NRG1: variants seen among roughly 807,000 people sequenced by gnomAD.
NRG1 encodes the protein neuregulin 1.
A neutral mutation model predicts 63.8 loss-of-function variants in NRG1; 18 were observed. The observed-to-expected ratio is 0.28, with a 90% CI of 0.19 to 0.42. The LOEUF is 0.42. NRG1 is among the 10% of genes least tolerant of loss of function. NRG1 has a pLI of 1.00. For missense variants in NRG1, 762 were observed against 814.7 expected (o/e 0.94, Z 0.79); for synonymous variants, 302 against 301.3 (o/e 1.00, Z -0.02).
chr8:32,515,306 T>C (rs946148597), intron 1 of NRG1, among the ~76,000 whole-genome samples: 1 of 152,142 alleles, frequency 6.6e-6, no homozygotes, highest in African/African-American at 2.4e-5. Flanking sequence ...TTCTGACTGG[T>C]GTGAGGTGGT....
chr8:32,375,809 C>G (rs533924107), intron 1 of NRG1, among the ~76,000 whole-genome samples: 1 of 152,280 alleles, frequency 6.6e-6, no homozygotes, highest in East Asian at 1.9e-4. Flanking sequence ...GCTGGCTTTT[C>G]CTTTCATTGT....
intron 1 of NRG1, among the ~76,000 whole-genome samples, chr8:32,080,494 C>A (rs1394740890): frequency 1.3e-5 from 2 of 152,208 alleles, no homozygotes; most frequent in East Asian, 3.9e-4. Context: ...TTTATAGAAA[C>A]AGTGATAGGA....
intron 1 of NRG1, among the ~76,000 whole-genome samples, chr8:31,723,394 A>G (rs747141190): frequency 6.6e-6 from 1 of 152,166 alleles, no homozygotes; most frequent in Non-Finnish European, 1.5e-5. Context: ...ACTTTCAAAA[A>G]CAAGAAACAT....
chr8:32,474,607 C>T (rs1824264169), intron 1 of NRG1, among the ~76,000 whole-genome samples: 1 of 151,918 alleles, frequency 6.6e-6, no homozygotes, highest in South Asian at 2.1e-4. Flanking sequence ...ATTCTCCTGC[C>T]TCAGCCTCCC....
intron 5 of NRG1, among the ~76,000 whole-genome samples, chr8:32,659,502 T>C (rs2128871197): frequency 6.6e-6 from 1 of 152,348 alleles, no homozygotes; most frequent in Non-Finnish European, 1.5e-5. Flanking sequence ...GTTTTTTGAA[T>C]GTATGAGCAC....
At chr8:32,612,261 A>G (rs1458854683) in intron 3 of NRG1, among the ~76,000 whole-genome samples, 1 of 152,114 alleles carries the variant, frequency 6.6e-6, no homozygotes, top group African/African-American at 2.4e-5. Flanking sequence ...CTTTCAATTT[A>G]CTTTTAACAA....
chr8:32,245,285 C>T (rs530272218), intron 1 of NRG1, among the ~76,000 whole-genome samples: 22 of 152,220 alleles, frequency 1.4e-4, no homozygotes, highest in African/African-American at 5.1e-4. Context: ...TTTTCAGTGA[C>T]ATCAAGTTAG....
intron 1 of NRG1, among the ~76,000 whole-genome samples, chr8:32,243,309 A>G (rs941546668): frequency 1.3e-5 from 2 of 151,998 alleles, no homozygotes. Flanking sequence ...CTATAGTTCC[A>G]GCTATTTCTA....
At chr8:31,785,062 CTTTTCGTGGACT>C (rs2131631122) in intron 1 of NRG1, among the ~76,000 whole-genome samples, 1 of 152,188 alleles carries the variant, frequency 6.6e-6, no homozygotes, top group South Asian at 2.1e-4. Context: ...CACAAGAAGG[CTTTTCGTGGACT>C]TTTGGAGTCT....
chr8:32,076,010 C>A (rs917458973), intron 1 of NRG1, among the ~76,000 whole-genome samples: 10 of 152,110 alleles, frequency 6.6e-5, no homozygotes, highest in Admixed American at 6.6e-4. Flanking sequence ...TATTTTTGAT[C>A]TATGATTGGT....
intron 1 of NRG1, among the ~76,000 whole-genome samples, chr8:32,245,368 A>C (rs1444904358): frequency 6.6e-6 from 1 of 152,192 alleles, no homozygotes; most frequent in Non-Finnish European, 1.5e-5. Flanking sequence ...GGAAGGCTTC[A>C]CAGTTTGGTA....
chr8:32,444,414 A>ATAG (rs1198237456), intron 1 of NRG1, among the ~76,000 whole-genome samples: 2 of 152,216 alleles, frequency 1.3e-5, no homozygotes, highest in African/African-American at 4.8e-5. Context: ...TGCTGGGATT[A>ATAG]TAGGTGTGAG....
intron 5 of NRG1, among the ~76,000 whole-genome samples, chr8:32,726,552 G>C (rs1417303459): frequency 6.6e-6 from 1 of 152,032 alleles, no homozygotes; most frequent in Non-Finnish European, 1.5e-5. Flanking sequence ...TCAATGAAAG[G>C]GGTCCAAAAA....
intron 1 of NRG1, among the ~76,000 whole-genome samples, chr8:31,888,985 T>G (rs1830937597): frequency 6.6e-6 from 1 of 152,190 alleles, no homozygotes; most frequent in Admixed American, 6.5e-5. Context: ...TATTCCATTT[T>G]GTACCACAGG....
At chr8:32,358,560 C>T (rs1297786786) in intron 1 of NRG1, among the ~76,000 whole-genome samples, 1 of 151,966 alleles carries the variant, frequency 6.6e-6, no homozygotes, top group African/African-American at 2.4e-5. Flanking sequence ...CTACAAGATA[C>T]TAAAAGAAGA....
intron 1 of NRG1, among the ~76,000 whole-genome samples, chr8:31,755,656 T>A (rs1666107145): frequency 6.6e-6 from 1 of 152,092 alleles, no homozygotes; most frequent in African/African-American, 2.4e-5. Context: ...TTAACCAATA[T>A]ACCTGACTAT....
intron 1 of NRG1, among the ~76,000 whole-genome samples, chr8:31,661,077 C>T (rs1481026032): frequency 1.3e-5 from 2 of 152,086 alleles, no homozygotes; most frequent in Admixed American, 6.6e-5. Context: ...TAGTATTTCC[C>T]CAAACAGTTT....
intron 1 of NRG1, among the ~76,000 whole-genome samples, chr8:32,234,236 T>C (rs549118955): frequency 6.6e-5 from 10 of 152,274 alleles, no homozygotes; most frequent in African/African-American, 2.2e-4. Context: ...ATCACAGGTA[T>C]TTACAGGCCT....
chr8:31,668,082 G>A (rs1806736812), intron 1 of NRG1, among the ~76,000 whole-genome samples: 1 of 152,252 alleles, frequency 6.6e-6, no homozygotes. Flanking sequence ...AGTGAGATTT[G>A]TAGAGAGAAA....
Sources: allele counts gnomAD v4.1 joint callset (sites outside exome capture counted in the v4.1 genomes callset), GRCh38; gene constraint gnomAD v4.1.1; transcripts MANE v1.5; gene names NCBI Gene and HGNC (gene_info 2026-07-23, HGNC 2026-07-21).